AK8: variants seen among roughly 807,000 people sequenced by gnomAD.
The protein encoded by AK8 is ATP-AMP transphosphorylase 8.
In AK8, 44 loss-of-function variants were observed where a neutral mutation model predicts 54.6. The ratio of observed to expected loss-of-function variants is 0.81; its 90% confidence interval spans 0.63 to 1.04. The LOEUF is 1.04. Among genes scored for constraint, AK8 ranks in the 50% least tolerant of loss-of-function variants. The pLI is 0.00. For missense variants in AK8, 555 were observed against 613.6 expected (o/e 0.90, Z 1.01); for synonymous variants, 239 against 245.6 (o/e 0.97, Z 0.25).
In AK8 at chr9:132,770,516, C is replaced by T. The variant is rs768114893; in HGVS notation, c.1121+22118G>A. Among the ~76,000 whole-genome samples, 2 of 152,166 alleles carry T rather than the reference C, an allele frequency of 1.3e-5. No individual in the cohort carries two copies. The highest frequency in any genetic ancestry group is 2.9e-5 in the Non-Finnish European group (2 of 68,020). On this transcript the variant is annotated intron_variant, in intron 11 of 12. Transcript: ENST00000298545. This position sits in a 1 kb window ranked among gnomAD's most constrained non-coding sequence, Gnocchi z 4.3. ...GCGGGCTGGGAGCGCGGGGGATGCC[C>T]CTCGCCCTGCACGCGCGCCCTGCCC...
chr9:132,800,367 C>T (rs1002960118), intron 10 of AK8, among the ~76,000 whole-genome samples: 9 of 152,300 alleles, frequency 5.9e-5, no homozygotes, highest in Admixed American at 2.0e-4. Context: ...CCCAAGTGAA[C>T]GCCGCCAGCA....
intron 11 of AK8, 31 bp downstream of exon 11, chr9:132,792,603 C>G: frequency 6.5e-7 from 1 of 1,543,308 alleles, no homozygotes; most frequent in Non-Finnish European, 8.8e-7. Context: ...GGGGCTTGGC[C>G]AGGGCTGCTG....
In AK8 at chr9:132,740,591, C is replaced by T. The variant is rs143686347; in HGVS notation, c.1122-13057G>A. On this transcript the variant is annotated intron_variant, in intron 11 of 12. Transcript: ENST00000298545. ...AGGGAAGAAGTAAGGTTCCCGACTA[C>T]GCAGTGGAATGAGCAGCTGGAATGG... Among the ~76,000 whole-genome samples the T allele has an allele frequency of 2.3e-4, 35 of 152,308 alleles. No individual in the cohort carries two copies. The East Asian group carries it at 3.5e-3, about 15-fold the overall frequency.
chr9:132,839,574 G>A (rs985236770), intron 5 of AK8, among the ~76,000 whole-genome samples: 3 of 152,120 alleles, frequency 2.0e-5, no homozygotes, highest in Admixed American at 1.3e-4. Flanking sequence ...GCATCCCTCC[G>A]CAGGCTCCTG....
chr9:132,821,477 T>C (rs1051852755), intron 9 of AK8, among the ~76,000 whole-genome samples: 1 of 152,156 alleles, frequency 6.6e-6, no homozygotes, highest in African/African-American at 2.4e-5. Flanking sequence ...TCAGGAACAT[T>C]TTTTATTCTA....
intron 2 of AK8, among the ~76,000 whole-genome samples, chr9:132,872,666 C>A (rs911939104): frequency 6.6e-6 from 1 of 151,556 alleles, no homozygotes; most frequent in African/African-American, 2.4e-5. Context: ...TAGGGTCTTA[C>A]TCTGTTGCCC....
chr9:132,873,176 T>C (rs1368803279), intron 2 of AK8, among the ~76,000 whole-genome samples: 2 of 152,222 alleles, frequency 1.3e-5, no homozygotes, highest in African/African-American at 4.8e-5. Context: ...AGCACAATTT[T>C]TAATTTAGAA....
At chr9:132,802,153 C>T (rs1199523590) in intron 10 of AK8, among the ~76,000 whole-genome samples, 1 of 152,232 alleles carries the variant, frequency 6.6e-6, no homozygotes, top group Non-Finnish European at 1.5e-5. Flanking sequence ...CACCCGATGT[C>T]GCCTGGGGAT....
At chr9:132,876,902 T>TA (rs879465685) in intron 1 of AK8, among the ~76,000 whole-genome samples, 333 of 146,954 alleles carry the variant, frequency 2.3e-3, no homozygotes, top group Non-Finnish European at 3.8e-3. Flanking sequence ...GTACTAAAAT[T>TA]AAAAAAAAAA....
chr9:132,794,032 C>T (rs73659485), intron 10 of AK8, among the ~76,000 whole-genome samples: 43 of 152,276 alleles, frequency 2.8e-4, no homozygotes, highest in African/African-American at 1.0e-3. Flanking sequence ...AAATCACTGC[C>T]AGCCGTTTTC....
intron 5 of AK8, among the ~76,000 whole-genome samples, chr9:132,841,405 C>T (rs1267838657): frequency 6.6e-6 from 1 of 152,262 alleles, no homozygotes; most frequent in Non-Finnish European, 1.5e-5. Flanking sequence ...ACAAGTCTTT[C>T]CTTTGCCCCC....
At chr9:132,805,111 G>T (rs1455533134) in intron 10 of AK8, among the ~76,000 whole-genome samples, 1 of 152,196 alleles carries the variant, frequency 6.6e-6, no homozygotes, top group Non-Finnish European at 1.5e-5. Context: ...GGCCTCCAGG[G>T]TCAGGCCTGT....
At chr9:132,766,369 C>T (rs966450708) in intron 11 of AK8, among the ~76,000 whole-genome samples, 3 of 152,186 alleles carry the variant, frequency 2.0e-5, no homozygotes, top group Non-Finnish European at 4.4e-5. Context: ...CTGCCTTGGC[C>T]TCCCAAAATG....
chr9:132,785,522 T>G (rs963741369), intron 11 of AK8, among the ~76,000 whole-genome samples: 3 of 152,348 alleles, frequency 2.0e-5, no homozygotes, highest in African/African-American at 7.2e-5. Context: ...GATTATCTTC[T>G]AAATTAACGG....
intron 11 of AK8, among the ~76,000 whole-genome samples, chr9:132,735,987 T>C (rs1044479202): frequency 3.3e-5 from 5 of 152,200 alleles, no homozygotes; most frequent in Non-Finnish European, 2.9e-5. Context: ...CTGTACAGCA[T>C]GTTACCGCAC....
At chr9:132,743,687 A>G (rs773861998) in intron 11 of AK8, among the ~76,000 whole-genome samples, 71 of 152,318 alleles carry the variant, frequency 4.7e-4, no homozygotes, top group Middle Eastern at 3.4e-3. Context: ...TCCATTAATC[A>G]GCACCAAAAC....
chr9:132,872,668 C>G (rs1332126533), intron 2 of AK8, among the ~76,000 whole-genome samples: 1 of 151,500 alleles, frequency 6.6e-6, no homozygotes, highest in East Asian at 1.9e-4. Context: ...GGGTCTTACT[C>G]TGTTGCCCAG....
chr9:132,840,020 G>A (rs1481298931), intron 5 of AK8, among the ~76,000 whole-genome samples: 3 of 152,040 alleles, frequency 2.0e-5, no homozygotes, highest in Non-Finnish European at 4.4e-5. Flanking sequence ...GTTTCACCAT[G>A]TTGCCCAGGC....
chr9:132,828,035 C>A lies in AK8; in HGVS notation c.534G>T (p.Lys178Asn). The change falls in exon 7 of 13, where the codon AAG becomes AAT. Residue 178 changes from lysine to asparagine, a missense_variant. Transcript: ENST00000298545. The stretch of plus-strand genomic sequence containing the variant: ...TACCTCCAGTTTGAGGGTCGATTCT[C>A]TTCCCCAAGTTTCTCTCGATCAGGA... ...DTVLIERNLG[K>N]RIDPQTGEIY... 1 of 1,569,426 alleles carries A rather than the reference C, an allele frequency of 6.4e-7. No individual in the cohort carries two copies. The highest frequency in any genetic ancestry group is 1.3e-5 in the African/African-American group (1 of 74,106).
Sources: gnomAD v4.1 joint callset for allele counts (sites outside exome capture counted in the v4.1 genomes callset) on GRCh38, gnomAD v4.1.1 for gene constraint, Gnocchi (gnomAD v3.1) non-coding constraint, MANE v1.5 for transcripts, NCBI Gene and HGNC (gene_info 2026-07-23, HGNC 2026-07-21) for gene names.